NEDD1: variants seen among roughly 807,000 people sequenced by gnomAD.
The protein encoded by NEDD1 is protein NEDD1.
In NEDD1, 33 loss-of-function variants were observed where a neutral mutation model predicts 74.0. The observed-to-expected ratio is 0.45, with a 90% CI of 0.34 to 0.60. The LOEUF is 0.60. Ranked by LOEUF, NEDD1 falls within the 20% of genes least tolerant of loss-of-function variation. The probability of loss-of-function intolerance (pLI) is 0.01; values close to 1 mark genes in which losing one functional copy is unlikely to be tolerated. For synonymous variants in NEDD1, 250 were observed against 264.4 expected (o/e 0.95, Z 0.53); for missense variants, 746 against 776.5 (o/e 0.96, Z 0.47).
chr12:96,947,009 C>T (rs745403293), intron 14 of NEDD1, among the ~76,000 whole-genome samples: 1 of 152,142 alleles, frequency 6.6e-6, no homozygotes, highest in Non-Finnish European at 1.5e-5. Context: ...CATTAAGTGA[C>T]CATCACTTCT....
chr12:96,917,787 T>C, intron 5 of NEDD1, 50 bp downstream of exon 5: 1 of 1,501,330 alleles, frequency 6.7e-7, no homozygotes, highest in Admixed American at 2.6e-5. Flanking sequence ...TCTTAATGCA[T>C]TTAGAGTACT....
intron 2 of NEDD1, among the ~76,000 whole-genome samples, chr12:96,908,620 G>T (rs976459614): frequency 6.6e-6 from 1 of 152,178 alleles, no homozygotes; most frequent in Admixed American, 6.5e-5. Flanking sequence ...TCAGCTGTAT[G>T]CTCTGAATAA....
At chr12:96,919,784 T>A (rs560042988) in intron 5 of NEDD1, among the ~76,000 whole-genome samples, 8 of 152,254 alleles carry the variant, frequency 5.3e-5, no homozygotes, top group Non-Finnish European at 1.0e-4. Flanking sequence ...TGTAGAAAAT[T>A]ACCTGTCCAT....
Position 96,940,401 on chromosome 12 carries a change from C to A in NEDD1, c.1118-8C>A. On this transcript the variant is annotated splice_polypyrimidine_tract_variant and splice_region_variant and intron_variant, in intron 9 of 15. Coordinates refer to ENST00000266742, the MANE Select transcript of NEDD1 (RefSeq NM_152905.4). Reference sequence around the variant, plus strand: ...ATAACATTGATTTTTATATCTAATTCCTATAAGGTTTGCCTCGAAGCATAA... The same window carrying A: ...ATAACATTGATTTTTATATCTAATTACTATAAGGTTTGCCTCGAAGCATAA... 2 of 1,545,462 alleles carry A rather than the reference C, an allele frequency of 1.3e-6. No homozygotes were observed. The highest frequency in any genetic ancestry group is 1.8e-6 in the Non-Finnish European group (2 of 1,128,942).
At chr12:96,951,569 A>G (rs2136635286) in intron 15 of NEDD1, 71 bp downstream of exon 15, 2 of 807,124 alleles carry the variant, frequency 2.5e-6, no homozygotes, top group East Asian at 5.3e-5. Context: ...AAAATCCATG[A>G]AAGGTAATAT....
intron 3 of NEDD1, among the ~76,000 whole-genome samples, chr12:96,910,845 A>G (rs1873847343): frequency 6.6e-6 from 1 of 152,268 alleles, no homozygotes; most frequent in South Asian, 2.1e-4. Flanking sequence ...TTAACAAATT[A>G]AGATTTAACA....
chr12:96,907,873 T>C lies in NEDD1; in HGVS notation c.-9+17T>C, dbSNP rs896451863. On this transcript the variant is annotated intron_variant, in intron 2 of 15. Transcript: ENST00000266742. ...AAGACCGAGGTAGGTGGGCAGATGG[T>C]CCTCTTCCCCGCCCCGCTTTAAGAG... 39 of 1,340,866 alleles carry C rather than the reference T, an allele frequency of 2.9e-5. No homozygotes were observed. Among genetic ancestry groups the C allele is most frequent in the Non-Finnish European group, 3.7e-5 (39 of 1,043,720 alleles). 83.1% of individuals were successfully genotyped at this position (1,340,866 alleles called of 1,614,324 possible).
intron 2 of NEDD1, 93 bp downstream of exon 2, chr12:96,907,949 C>A: frequency 8.7e-7 from 1 of 1,154,610 alleles, no homozygotes; most frequent in Non-Finnish European, 1.1e-6. Flanking sequence ...TAAGTTGGAG[C>A]AGGTCGTTTG....
chr12:96,907,778 CTGCT>C lies in NEDD1; in HGVS notation c.-86_-83del. The C allele has an allele frequency of 1.1e-5, 16 of 1,515,030 alleles. No homozygotes were observed. Among genetic ancestry groups the C allele is most frequent in the Non-Finnish European group, 1.4e-5 (16 of 1,129,052 alleles). The allele number at this position is 1,515,030 out of a possible 1,614,324, so 93.8% of individuals were successfully genotyped here. A position where few individuals can be genotyped will look rare whatever the true frequency, so the allele number is the denominator to read the frequency against. ...CCGACGTTACCGCCTTGTGTCCTGA[CTGCT>C]AGCTTTCGACGGGACCGTCTTTGAG... On this transcript the variant is annotated 5_prime_UTR_variant, in exon 2 of 16. Coordinates refer to ENST00000266742, the MANE Select transcript of NEDD1 (RefSeq NM_152905.4).
chr12:96,935,180 A>G lies in NEDD1; in HGVS notation c.694A>G (p.Ile232Val). Residue 232 changes from isoleucine (I) to valine (V), a missense_variant, in exon 7 of 16, where the codon ATC (isoleucine) becomes GTC (valine). Ile to Val is a conservative substitution (Grantham distance 29). Around this residue, in one of 3 missense-constraint regions of NEDD1, gnomAD observed 706 missense variants for 706.7 expected, o/e 1.00. Transcript: ENST00000266742. ...FVTIGLDKRI[I>V]LYDTSSKKLV... ...AACCATAGGCTTGGATAAAAGAATC[A>G]TCCTCTATGACACTTCAAGTAAGAA... is the stretch of plus-strand genomic sequence containing the variant. The G allele has an allele frequency of 6.3e-7, 1 of 1,598,204 alleles. No homozygotes were observed. The highest frequency in any genetic ancestry group is 8.6e-7 in the Non-Finnish European group (1 of 1,165,390).
chr12:96,913,250 C>T (rs978671733), intron 4 of NEDD1, among the ~76,000 whole-genome samples: 2 of 152,148 alleles, frequency 1.3e-5, no homozygotes, highest in Non-Finnish European at 1.5e-5. Flanking sequence ...AGATTCTGTC[C>T]ACCTGTACTG....
Position 96,945,712 on chromosome 12 carries a change from T to G in NEDD1, c.1674T>G (p.Ser558=), listed in dbSNP as rs1878122943. 6.2e-7 allele frequency: 1 copy of G among 1,601,400 alleles called. No homozygotes were observed. The highest frequency in any genetic ancestry group is 1.1e-5 in the South Asian group (1 of 90,742). The change falls in exon 14 of 16, where the codon TCT becomes TCG. Residue 558 remains serine, a synonymous_variant. Coordinates refer to ENST00000266742, the MANE Select transcript of NEDD1 (RefSeq NM_152905.4). ...TTTTAGATCCAAAGATAGCATCTTCTGTCACTGCTGGAGTTGCCAGTTCAC... is the reference window on the plus strand; with the variant it reads ...TTTTAGATCCAAAGATAGCATCTTCGGTCACTGCTGGAGTTGCCAGTTCAC... The part of the protein sequence containing the change: ...SSTPNPKIAS[S]VTAGVASSLS...
intron 6 of NEDD1, among the ~76,000 whole-genome samples, chr12:96,932,864 G>C (rs1876694168): frequency 6.6e-6 from 1 of 151,470 alleles, no homozygotes. Flanking sequence ...AGGAAAACAA[G>C]AGTGTTTTCT....
chr12:96,908,520 T>A (rs1474258838), intron 2 of NEDD1, among the ~76,000 whole-genome samples: 1 of 152,206 alleles, frequency 6.6e-6, no homozygotes, highest in Non-Finnish European at 1.5e-5. Flanking sequence ...TACCTGTTGC[T>A]CTTTAAAGTG....
At chr12:96,907,923 G>A in intron 2 of NEDD1, 67 bp downstream of exon 2, 1 of 1,258,206 alleles carries the variant, frequency 7.9e-7, no homozygotes. Flanking sequence ...TAAATCACCC[G>A]GCGAGTTGTG....
At chr12:96,913,454 A>G (rs925621097) in intron 4 of NEDD1, among the ~76,000 whole-genome samples, 2 of 149,874 alleles carry the variant, frequency 1.3e-5, no homozygotes, top group African/African-American at 4.9e-5. Flanking sequence ...GCTCACTGCA[A>G]CCTCCGCCTC....
chr12:96,943,694 C>T lies in NEDD1; in HGVS notation c.1429C>T (p.Arg477Cys), dbSNP rs182463692. The T allele has an allele frequency of 3.7e-6, 6 of 1,612,206 alleles. No homozygotes were observed. Among genetic ancestry groups the T allele is most frequent in the Middle Eastern group, 1.7e-4 (1 of 6,054 alleles). ...GSPGKEENENRDLTAESKKIY... is the reference protein window; with the variant it reads ...GSPGKEENENCDLTAESKKIY... ...TCCAGGGAAAGAGGAAAATGAAAAC[C>T]GTGATCTAACAGCTGAGTCTAAGAA... The change falls in exon 12 of 16, where the codon CGT (arginine) becomes TGT (cysteine). Residue 477 changes from arginine (R) to cysteine (C), a missense_variant. This residue lies in a region of NEDD1 where 706 missense variants were observed against 706.7 expected (regional missense o/e 1.00). Coordinates refer to ENST00000266742, the MANE Select transcript of NEDD1 (RefSeq NM_152905.4).
intron 5 of NEDD1, 64 bp from the exon 6 acceptor site, chr12:96,919,921 A>T (rs1874882874): frequency 9.0e-7 from 1 of 1,109,664 alleles, no homozygotes; most frequent in Non-Finnish European, 1.3e-6. Flanking sequence ...TATTTACAGA[A>T]ACATGAAAAT....
At chr12:96,948,904 T>C (rs1878448592) in intron 14 of NEDD1, among the ~76,000 whole-genome samples, 1 of 152,152 alleles carries the variant, frequency 6.6e-6, no homozygotes, top group African/African-American at 2.4e-5. Flanking sequence ...TAGTTACTTG[T>C]TTTTTGGTTG....
Sources: allele counts gnomAD v4.1 joint callset (sites outside exome capture counted in the v4.1 genomes callset), GRCh38; gene constraint gnomAD v4.1.1; regional missense constraint gnomAD v4.1.1; transcripts MANE v1.5; gene names NCBI Gene and HGNC (gene_info 2026-07-23, HGNC 2026-07-21).